Variants in CEP164 observed in about 807,000 individuals in gnomAD.
The protein encoded by CEP164 is centrosomal protein of 164 kDa.
In CEP164, 162 loss-of-function variants were observed where a neutral mutation model predicts 182.7. The observed-to-expected ratio is 0.89, with a 90% CI of 0.78 to 1.01. The LOEUF is 1.01. Among genes scored for constraint, CEP164 ranks in the 50% least tolerant of loss-of-function variants. The pLI, the probability that CEP164 is intolerant of heterozygous loss-of-function variation, is 0.00. For missense variants in CEP164, 1,735 were observed against 1,790.4 expected (o/e 0.97, Z 0.56); for synonymous variants, 661 against 690.0 (o/e 0.96, Z 0.66).
chr11:117,375,595 C>G (rs949432463), intron 10 of CEP164, 113 bp from the exon 11 acceptor site: 2 of 785,638 alleles, frequency 2.5e-6, no homozygotes, highest in African/African-American at 3.4e-5. Flanking sequence ...TGGCACAGAG[C>G]TGGGCACATA....
At position 117,409,067 on chromosome 11, in the gene CEP164, A is replaced by G. The variant is rs1353514551; in HGVS notation, c.3748+39A>G. 2 of 1,612,722 alleles carry G rather than the reference A, an allele frequency of 1.2e-6. No individual in the cohort carries two copies. Among genetic ancestry groups the G allele is most frequent in the Non-Finnish European group, 1.7e-6 (2 of 1,179,280 alleles). On this transcript the variant is annotated intron_variant, in intron 29 of 32. Transcript: ENST00000278935. The surrounding 1 kb of genome is among the most constrained non-coding windows in gnomAD (Gnocchi z 4.4). Reference sequence around the variant, plus strand: ...ATGCGGGGTGAGGACCATGGTATCCATGGAATGGGAGGAACTTGGGGAATA... The same window carrying G: ...ATGCGGGGTGAGGACCATGGTATCCGTGGAATGGGAGGAACTTGGGGAATA...
At chr11:117,363,369 C>A in intron 7 of CEP164, 60 bp from the exon 8 acceptor site, 1 of 1,282,284 alleles carries the variant, frequency 7.8e-7, no homozygotes, top group Non-Finnish European at 1.1e-6. Flanking sequence ...TCTGCACACC[C>A]CTCACCCTGG....
chr11:117,356,899 A>T (rs935355409), intron 5 of CEP164, among the ~76,000 whole-genome samples: 3 of 152,080 alleles, frequency 2.0e-5, no homozygotes, highest in Admixed American at 2.0e-4. Context: ...GAACATGATC[A>T]GTTTTGCGGG....
Position 117,354,902 on chromosome 11 carries a change from T to C in CEP164, c.393+2914T>C, listed in dbSNP as rs754012183. On this transcript the variant is annotated intron_variant, in intron 5 of 32. Coordinates refer to ENST00000278935, the MANE Select transcript of CEP164 (RefSeq NM_014956.5). ...GTAAATCAGAAGTGCTTTGTCTTCG[T>C]TTTCTCTGCATGTTTATATACCCAT... 6.6e-5 allele frequency: 82 copies of C among 1,233,538 alleles called. No homozygotes were observed. In the African/African-American group the frequency reaches 1.1e-3, roughly 17 times the overall value. The allele number at this position is 1,233,538 out of a possible 1,614,324, so 76.4% of individuals were successfully genotyped here. A position where few individuals can be genotyped will look rare whatever the true frequency, so the allele number is the denominator to read the frequency against.
Position 117,390,807 on chromosome 11 carries a change from TGAG to T in CEP164, c.1976_1978del (p.Glu659del), listed in dbSNP as rs1393409770. ...TGAGGGAGCGGCTGCAGAAAGCCAT[TGAG>T]GAGGAGGAGGCCCGGATGAGAGAGG... On this transcript the variant is annotated inframe_deletion, in exon 16 of 33. Transcript: ENST00000278935. 1.1e-5 allele frequency: 17 copies of T among 1,613,190 alleles called. No individual in the cohort carries two copies. The Middle Eastern group carries it at 4.9e-4, about 47-fold the overall frequency.
Position 117,344,247 on chromosome 11 carries a change from T to C in CEP164, c.164T>C (p.Val55Ala). 6.2e-7 allele frequency: 1 copy of C among 1,613,276 alleles called. No individual in the cohort carries two copies. Among genetic ancestry groups the C allele is most frequent in the Non-Finnish European group, 8.5e-7 (1 of 1,179,624 alleles). ...ATGTGGCTGGCGCGAGAGGGCATCG[T>C]GGCCCCACTGCCTGGAGAGTGGAAA... is the stretch of plus-strand genomic sequence containing the variant. ...ELMWLAREGI[V>A]APLPGEWKPC... Residue 55 changes from valine (V) to alanine (A), a missense_variant, in exon 4 of 33, where the codon GTG becomes GCG. Transcript: ENST00000278935.
rs1555098411 is a variant in CEP164, at chr11:117,351,920, A to G, written c.325A>G (p.Ile109Val). The G allele has an allele frequency of 3.1e-6, 5 of 1,612,994 alleles. No homozygotes were observed. Among genetic ancestry groups the G allele is most frequent in the Non-Finnish European group, 4.2e-6 (5 of 1,179,736 alleles). Residue 109 changes from isoleucine to valine, a missense_variant, in exon 5 of 33, where the codon ATT (isoleucine) becomes GTT (valine). Coordinates refer to ENST00000278935, the MANE Select transcript of CEP164 (RefSeq NM_014956.5). Reference sequence around the variant, plus strand: ...GGCAAAGCTGTCAACTTCTGGGGCCATTAAGAAGAAGAAAAAAAAAAAGGA... The same window carrying G: ...GGCAAAGCTGTCAACTTCTGGGGCCGTTAAGAAGAAGAAAAAAAAAAAGGA... ...ERAKLSTSGA[I>V]KKKKKKKEKK...
At chr11:117,402,637 T>C (rs2046276990) in intron 27 of CEP164, among the ~76,000 whole-genome samples, 1 of 152,204 alleles carries the variant, frequency 6.6e-6, no homozygotes, top group African/African-American at 2.4e-5. Context: ...AATTATGTGG[T>C]CAGTTTTAGA....
chr11:117,338,415 C>A (rs1356897316), intron 2 of CEP164, among the ~76,000 whole-genome samples, 151 bp from the exon 3 acceptor site: 1 of 152,174 alleles, frequency 6.6e-6, no homozygotes, highest in African/African-American at 2.4e-5. Context: ...TTGGTTTCAC[C>A]CTCCACTATA....
intron 17 of CEP164, 104 bp from the exon 18 acceptor site, chr11:117,392,122 A>G: frequency 1.1e-6 from 1 of 941,652 alleles, no homozygotes; most frequent in South Asian, 2.1e-5. Flanking sequence ...GCTTCCCTTG[A>G]CCCTGATCTC....
intron 8 of CEP164, among the ~76,000 whole-genome samples, chr11:117,368,986 T>C (rs952938915): frequency 5.9e-5 from 9 of 152,200 alleles, no homozygotes; most frequent in African/African-American, 2.2e-4. Flanking sequence ...CTGATGACAG[T>C]ATCACCACTG....
upstream of CEP164, among the ~76,000 whole-genome samples, chr11:117,327,595 C>T (rs1432460968): frequency 1.3e-5 from 2 of 152,008 alleles, no homozygotes; most frequent in African/African-American, 4.8e-5. Context: ...AGCCACCGCG[C>T]CCAGCCGATG....
At chr11:117,410,483 T>C (rs967398443) in intron 30 of CEP164, 7 of 270,538 alleles carry the variant, frequency 2.6e-5, no homozygotes, top group African/African-American at 1.5e-4. Flanking sequence ...ACCCCATGTC[T>C]CTGTGACTCC....
At chr11:117,365,639 G>T (rs2041550706) in intron 8 of CEP164, among the ~76,000 whole-genome samples, 1 of 151,996 alleles carries the variant, frequency 6.6e-6, no homozygotes, top group Non-Finnish European at 1.5e-5. Context: ...TAGTGCAATG[G>T]CATGATCTTG....
chr11:117,362,908 T>C (rs1289464261), intron 7 of CEP164, among the ~76,000 whole-genome samples: 3 of 152,272 alleles, frequency 2.0e-5, no homozygotes, highest in African/African-American at 7.2e-5. Context: ...AGTGGAATTA[T>C]ACAATGTTTG....
rs1334420084 is a variant in CEP164, at chr11:117,394,871, C to T, written c.2761-49C>T. 1.9e-6 allele frequency: 3 copies of T among 1,582,000 alleles called. No individual in the cohort carries two copies. Among genetic ancestry groups the T allele is most frequent in the Admixed American group, 1.7e-5 (1 of 59,820 alleles). ...TCTGGAACCCCCTCCTGCCCCTCAG[C>T]TAATGCCTTACACTCTTTCTATGCT... On this transcript the variant is annotated intron_variant, in intron 21 of 32. Coordinates refer to ENST00000278935, the MANE Select transcript of CEP164 (RefSeq NM_014956.5). The surrounding 1 kb of genome is among the most constrained non-coding windows in gnomAD (Gnocchi z 4.0).
intron 14 of CEP164, chr11:117,386,971 G>C: frequency 3.7e-6 from 2 of 539,696 alleles, no homozygotes; most frequent in Non-Finnish European, 6.6e-6. Flanking sequence ...AGCCTGCTAT[G>C]GGCTACCCTT....
Position 117,362,558 on chromosome 11 carries a change from C to T in CEP164, c.687+20C>T, listed in dbSNP as rs1592164884. 1 of 1,608,640 alleles carries T rather than the reference C, an allele frequency of 6.2e-7. No individual in the cohort carries two copies. The highest frequency in any genetic ancestry group is 8.5e-7 in the Non-Finnish European group (1 of 1,176,736). On this transcript the variant is annotated intron_variant, in intron 7 of 32. Transcript: ENST00000278935. ...AACCAGGTAATGATGAAGTCCTCTC[C>T]CTGGCCTGGAAACCCTCTGTGCCAT...
At chr11:117,333,979 T>G (rs1331659915) in intron 1 of CEP164, among the ~76,000 whole-genome samples, 1 of 152,342 alleles carries the variant, frequency 6.6e-6, no homozygotes, top group South Asian at 2.1e-4. Context: ...CACGCTTTCC[T>G]TTTTTTCTTT....
Sources: allele counts gnomAD v4.1 joint callset (sites outside exome capture counted in the v4.1 genomes callset), GRCh38; gene constraint gnomAD v4.1.1; non-coding constraint Gnocchi (gnomAD v3.1); transcripts MANE v1.5; gene names NCBI Gene and HGNC (gene_info 2026-07-23, HGNC 2026-07-21).